PODXL2: variants seen among roughly 807,000 people sequenced by gnomAD.
PODXL2 encodes the protein podocalyxin-like protein 2.
PODXL2 carries 17 observed loss-of-function variants against 53.4 expected under a neutral mutation model. The ratio of observed to expected loss-of-function variants is 0.32; its 90% CI spans 0.22 to 0.48. PODXL2 has a LOEUF of 0.48. Among genes scored for constraint, PODXL2 ranks in the 20% least tolerant of loss-of-function variants. The pLI is 0.99. For missense variants in PODXL2, 673 were observed against 760.0 expected (o/e 0.89, Z 1.35); for synonymous variants, 311 against 306.7 (o/e 1.01, Z -0.15).
intron 1 of PODXL2, among the ~76,000 whole-genome samples, chr3:127,635,709 T>TA (rs1194723319): frequency 2.0e-5 from 3 of 152,240 alleles, no homozygotes; most frequent in Admixed American, 2.0e-4. Flanking sequence ...AGGGTGGGCT[T>TA]AACAGTCTCT....
At chr3:127,643,184 G>T (rs535828504) in intron 2 of PODXL2, among the ~76,000 whole-genome samples, 1 of 152,194 alleles carries the variant, frequency 6.6e-6, no homozygotes, top group African/African-American at 2.4e-5. Flanking sequence ...TTGGCATAAA[G>T]AAATTAAATA....
intron 2 of PODXL2, among the ~76,000 whole-genome samples, chr3:127,650,680 G>A (rs566767300): frequency 6.6e-6 from 1 of 151,782 alleles, no homozygotes; most frequent in Non-Finnish European, 1.5e-5. Flanking sequence ...TTGTTGTGAC[G>A]GAGTCTTGCT....
chr3:127,647,071 G>T lies in PODXL2; in HGVS notation c.349+7548G>T, dbSNP rs553099143. On this transcript the variant is annotated intron_variant, in intron 2 of 7. Transcript: ENST00000342480. ...AAACAGCTGGTGGAGTTTCTGCTTGGTGGATAATGAGCAGTGTGACCTTGA... is the reference window on the plus strand; with the variant it reads ...AAACAGCTGGTGGAGTTTCTGCTTGTTGGATAATGAGCAGTGTGACCTTGA... 7.2e-5 allele frequency among the ~76,000 whole-genome samples: 11 copies of T among 152,254 alleles called. No homozygotes were observed. The South Asian group carries it at 2.3e-3, about 32-fold the overall frequency.
At chr3:127,665,986 A>G (rs147331619) in intron 4 of PODXL2, 8 of 456,794 alleles carry the variant, frequency 1.8e-5, no homozygotes, top group South Asian at 9.5e-5. Flanking sequence ...CACTGCTTCT[A>G]GGCCCTTCTA....
At chr3:127,638,750 T>G (rs998564183) in intron 1 of PODXL2, among the ~76,000 whole-genome samples, 2 of 152,162 alleles carry the variant, frequency 1.3e-5, no homozygotes, top group African/African-American at 4.8e-5. Flanking sequence ...AAAGACTATG[T>G]TCAGGATACT....
intron 1 of PODXL2, among the ~76,000 whole-genome samples, chr3:127,638,701 C>G (rs911078359): frequency 6.6e-6 from 1 of 151,932 alleles, no homozygotes; most frequent in Admixed American, 6.6e-5. Flanking sequence ...GGCGACAGAG[C>G]AAGACTCCAT....
chr3:127,671,659 T>A (rs942831397), intron 7 of PODXL2, 46 bp downstream of exon 7: 1 of 1,565,830 alleles, frequency 6.4e-7, no homozygotes, highest in Non-Finnish European at 8.7e-7. Context: ...GAGAGGAGAG[T>A]GCCCATCGAT....
intron 2 of PODXL2, among the ~76,000 whole-genome samples, chr3:127,644,315 C>T (rs1021824870): frequency 2.0e-5 from 3 of 152,074 alleles, no homozygotes; most frequent in African/African-American, 7.2e-5. Flanking sequence ...TACCGTGTTG[C>T]CCAGGCTGAC....
At chr3:127,653,335 C>G (rs538397870) in intron 2 of PODXL2, among the ~76,000 whole-genome samples, 2 of 152,318 alleles carry the variant, frequency 1.3e-5, no homozygotes, top group East Asian at 3.9e-4. Context: ...CAAGCATGTT[C>G]GCTGACCTGT....
intron 1 of PODXL2, among the ~76,000 whole-genome samples, chr3:127,635,259 C>T (rs1000286891): frequency 2.9e-4 from 44 of 152,288 alleles, no homozygotes; most frequent in African/African-American, 9.6e-4. Context: ...CCCTACTAAC[C>T]CTGTGGCTCA....
At chr3:127,634,406 CAA>C (rs960986346) in intron 1 of PODXL2, among the ~76,000 whole-genome samples, 1 of 148,866 alleles carries the variant, frequency 6.7e-6, no homozygotes, top group Non-Finnish European at 1.5e-5. Context: ...GCCTGGGCAA[CAA>C]GAGAGAAACT....
Position 127,665,482 on chromosome 3 carries a change from T to C in PODXL2, c.1207-2959T>C, listed in dbSNP as rs913092100. Among the ~76,000 whole-genome samples, 6 of 151,990 alleles carry C rather than the reference T, an allele frequency of 3.9e-5. 1 individual carries two copies. Among genetic ancestry groups the C allele is most frequent in the Admixed American group, 2.6e-4 (4 of 15,262 alleles). On this transcript the variant is annotated intron_variant, in intron 4 of 7. Transcript: ENST00000342480. ...TTTTACCTAGATGTCACAGGTAACA[T>C]AGAAGAAACTGGAAAGAAGTCTAAG...
At chr3:127,663,553 G>A (rs2074779826) in intron 4 of PODXL2, among the ~76,000 whole-genome samples, 1 of 152,166 alleles carries the variant, frequency 6.6e-6, no homozygotes, top group Non-Finnish European at 1.5e-5. Flanking sequence ...TCACTATACT[G>A]ATGGATCTTC....
intron 6 of PODXL2, 75 bp from the exon 7 acceptor site, chr3:127,671,359 C>T: frequency 7.2e-7 from 1 of 1,395,902 alleles, no homozygotes; most frequent in East Asian, 2.3e-5. Flanking sequence ...CCCACCCGAG[C>T]CCAATGCAAC....
At chr3:127,665,384 G>A (rs923835138) in intron 4 of PODXL2, among the ~76,000 whole-genome samples, 3 of 152,198 alleles carry the variant, frequency 2.0e-5, no homozygotes, top group Non-Finnish European at 4.4e-5. Flanking sequence ...AGTTTTACAC[G>A]ATGGAACTAC....
chr3:127,636,074 C>A (rs1425551363), intron 1 of PODXL2, among the ~76,000 whole-genome samples: 2 of 152,220 alleles, frequency 1.3e-5, no homozygotes, highest in East Asian at 3.9e-4. Flanking sequence ...ATCATCACTT[C>A]TGCATTGTCT....
At chr3:127,662,418 G>A (rs77891332) in intron 4 of PODXL2, 107 bp downstream of exon 4, 3 of 768,220 alleles carry the variant, frequency 3.9e-6, no homozygotes, top group South Asian at 3.4e-5. Flanking sequence ...AGAAGGCTTA[G>A]TCCTTCAGTT....
rs141056629 is a variant in PODXL2 at position 127,648,084 on chromosome 3, T to C, written c.349+8561T>C. ...ATGAAATCTGTAAAAGCAGGCATGATTAGATCACTGTTTTACAGCTAAAGA... is the reference window on the plus strand; with the variant it reads ...ATGAAATCTGTAAAAGCAGGCATGACTAGATCACTGTTTTACAGCTAAAGA... On this transcript the variant is annotated intron_variant, in intron 2 of 7. Transcript: ENST00000342480. Among the ~76,000 whole-genome samples, 1,492 of 152,272 alleles carry C rather than the reference T, an allele frequency of 9.8e-3. 102 individuals are homozygous for C. The highest frequency in any genetic ancestry group is 0.09 in the Admixed American group (1,379 of 15,288).
intron 2 of PODXL2, among the ~76,000 whole-genome samples, chr3:127,659,984 G>C (rs949414342): frequency 6.6e-6 from 1 of 152,212 alleles, no homozygotes; most frequent in Non-Finnish European, 1.5e-5. Context: ...CACTAGAAAA[G>C]GAGTAGGGGG....
Sources: gnomAD v4.1 joint callset for allele counts (sites outside exome capture counted in the v4.1 genomes callset) on GRCh38, gnomAD v4.1.1 for gene constraint, MANE v1.5 for transcripts, NCBI Gene and HGNC (gene_info 2026-07-23, HGNC 2026-07-21) for gene names.